The following CACNA1C variants were observed in gnomAD, a reference collection of about 807,000 sequenced individuals.
CACNA1C encodes calcium voltage-gated channel subunit alpha1 C.
Under a neutral mutation model 229.0 loss-of-function variants are expected in CACNA1C, and 30 were observed. The ratio of observed to expected loss-of-function variants is 0.13; its 90% CI spans 0.10 to 0.18. The LOEUF (loss-of-function observed/expected upper bound fraction) is 0.18. Among genes scored for constraint, CACNA1C ranks in the 10% least tolerant of loss-of-function variants. The pLI is 1.00. For missense variants in CACNA1C, 1,658 were observed against 2,845.0 expected, an observed-to-expected ratio of 0.58 and a Z score of 9.49; for synonymous variants, 1,114 against 1,132.5, an observed-to-expected ratio of 0.98 and a Z score of 0.33.
At chr12:2,032,575 A>G (rs900609800) in intron 1 of CACNA1C, among the ~76,000 whole-genome samples, 2 of 152,208 alleles carry the variant, frequency 1.3e-5, no homozygotes, top group Non-Finnish European at 2.9e-5. Flanking sequence ...TCGGATGTGA[A>G]TTAAACCAAT....
chr12:2,666,880 T>C lies in CACNA1C; in HGVS notation c.4623+98T>C, dbSNP rs1486532519. The C allele has an allele frequency of 3.9e-6, 3 of 761,950 alleles. No homozygotes were observed. The highest frequency in any genetic ancestry group is 4.0e-5 in the Admixed American group (2 of 49,562). The allele number at this position is 761,950 out of a possible 1,614,324, so 47.2% of individuals were successfully genotyped here. On this transcript the variant is annotated intron_variant, in intron 37 of 46. Coordinates refer to ENST00000399655, the MANE Select transcript of CACNA1C (RefSeq NM_000719.7). The surrounding 1 kb of genome is among the most constrained non-coding windows in gnomAD (Gnocchi z 5.3). Reference sequence around the variant, plus strand: ...TTAAGGGAATGAACATACTAGTTTATGTGCCTAAAGATTACATTTTAAGGG... The same window carrying C: ...TTAAGGGAATGAACATACTAGTTTACGTGCCTAAAGATTACATTTTAAGGG...
chr12:2,493,626 T>C lies in CACNA1C; in HGVS notation c.1113+240T>C, dbSNP rs187396779. 6.6e-6 allele frequency among the ~76,000 whole-genome samples: 1 copy of C among 152,286 alleles called. No individual in the cohort carries two copies. The highest frequency in any genetic ancestry group is 1.5e-5 in the Non-Finnish European group (1 of 68,014). On this transcript the variant is annotated intron_variant, in intron 7 of 46. Coordinates refer to ENST00000399655, the MANE Select transcript of CACNA1C (RefSeq NM_000719.7). The surrounding 1 kb of genome is among the most constrained non-coding windows in gnomAD (Gnocchi z 4.6). ...CCTTAGGGGAAGGTCATTTTTCCAG[T>C]GCGTCCCACAGTGCAAAACCCTGGT...
chr12:2,136,154 C>A (rs1050388728), intron 3 of CACNA1C, among the ~76,000 whole-genome samples: 1 of 151,414 alleles, frequency 6.6e-6, no homozygotes, highest in Non-Finnish European at 1.5e-5. Flanking sequence ...AATGCCTCGC[C>A]CTGCTTTGGC....
chr12:2,467,126 C>T lies in CACNA1C; in HGVS notation c.757+9420C>T, dbSNP rs1037993256. Reference sequence around the variant, plus strand: ...ACAGCGCTGGAGGCTGCCTGGTCCCCCTGCCCGCCCATCGGAGATGGTCCC... The same window carrying T: ...ACAGCGCTGGAGGCTGCCTGGTCCCTCTGCCCGCCCATCGGAGATGGTCCC... On this transcript the variant is annotated intron_variant, in intron 5 of 46. Coordinates refer to ENST00000399655, the MANE Select transcript of CACNA1C (RefSeq NM_000719.7). This position sits in a 1 kb window ranked among gnomAD's most constrained non-coding sequence, Gnocchi z 4.6. 1.3e-5 allele frequency among the ~76,000 whole-genome samples: 2 copies of T among 152,150 alleles called. No homozygotes were observed.
intron 3 of CACNA1C, among the ~76,000 whole-genome samples, chr12:2,177,797 A>T (rs6489351): frequency 2.6e-5 from 4 of 151,640 alleles, no homozygotes; most frequent in South Asian, 2.1e-4. Flanking sequence ...CCACCACACC[A>T]GCCTAATTTT....
chr12:2,632,459 T>G lies in CACNA1C; in HGVS notation c.3829-1838T>G, dbSNP rs369317795. 1.3e-5 allele frequency among the ~76,000 whole-genome samples: 2 copies of G among 152,180 alleles called. No homozygotes were observed. Among genetic ancestry groups the G allele is most frequent in the African/African-American group, 4.8e-5 (2 of 41,448 alleles). On this transcript the variant is annotated intron_variant, in intron 29 of 46. Transcript: ENST00000399655. This position sits in a 1 kb window ranked among gnomAD's most constrained non-coding sequence, Gnocchi z 4.1. ...AAAGAGTCCACTCATCCAGGACACC[T>G]GGGGTCCTATAGGGCCTCTGGGACA...
chr12:2,247,203 C>A (rs1030566572), intron 3 of CACNA1C, among the ~76,000 whole-genome samples: 6 of 152,136 alleles, frequency 3.9e-5, no homozygotes, highest in Non-Finnish European at 5.9e-5. Flanking sequence ...GCGGGGATGG[C>A]CTGTTATAAC....
intron 3 of CACNA1C, chr12:2,222,107 C>G (rs2061615062): frequency 6.6e-6 from 1 of 152,162 alleles, no homozygotes; most frequent in Admixed American, 6.5e-5. Context: ...ATTTCATTCT[C>G]TATTTATGAT....
rs2096043112 is a variant in CACNA1C at position 2,665,525 on chromosome 12, G to A, written c.4399-56G>A. On this transcript the variant is annotated intron_variant, in intron 35 of 46. Transcript: ENST00000399655. The surrounding 1 kb of genome is among the most constrained non-coding windows in gnomAD (Gnocchi z 5.9). ...GGCCCCAGCTGGCAAGGGGGTTCCAGAGGCAGGTGTGTAGGAAGGTCTTCT... is the reference window on the plus strand; with the variant it reads ...GGCCCCAGCTGGCAAGGGGGTTCCAAAGGCAGGTGTGTAGGAAGGTCTTCT... The A allele has an allele frequency of 3.7e-6, 6 of 1,600,328 alleles. No individual in the cohort carries two copies. The highest frequency in any genetic ancestry group is 5.1e-6 in the Non-Finnish European group (6 of 1,171,848).
At chr12:1,975,814 T>C (rs1010025413) in intron 1 of CACNA1C, among the ~76,000 whole-genome samples, 1 of 152,174 alleles carries the variant, frequency 6.6e-6, no homozygotes, top group Non-Finnish European at 1.5e-5. Context: ...GCATGTCAGA[T>C]TGTTAAGTTA....
chr12:2,466,628 A>T (rs1356371527), intron 5 of CACNA1C, among the ~76,000 whole-genome samples: 1 of 152,166 alleles, frequency 6.6e-6, no homozygotes, highest in Non-Finnish European at 1.5e-5. Context: ...GTGATTTAAC[A>T]CTGAAGTACC....
intron 1 of CACNA1C, among the ~76,000 whole-genome samples, chr12:2,068,139 G>C (rs940565111): frequency 1.3e-5 from 2 of 152,134 alleles, no homozygotes; most frequent in African/African-American, 4.8e-5. Context: ...AGAAAAATAT[G>C]ATATCCTGAA....
intron 46 of CACNA1C, 37 bp from the exon 47 acceptor site, chr12:2,690,863 C>T (rs1299536264): frequency 6.6e-7 from 1 of 1,505,372 alleles, no homozygotes. Flanking sequence ...GAGTAATGTT[C>T]CTTTGGTTCT....
chr12:2,573,864 A>G (rs1015376508), intron 13 of CACNA1C, among the ~76,000 whole-genome samples: 1 of 152,230 alleles, frequency 6.6e-6, no homozygotes, highest in African/African-American at 2.4e-5. Context: ...ATCCGGGTGG[A>G]CTTACAACTC....
intron 3 of CACNA1C, among the ~76,000 whole-genome samples, chr12:2,204,045 CCT>C (rs1468279278): frequency 6.6e-6 from 1 of 152,156 alleles, no homozygotes; most frequent in Non-Finnish European, 1.5e-5. Flanking sequence ...ACATTTAAAA[CCT>C]CTTAGATTAC....
chr12:2,656,169 A>T (rs1409096657), intron 34 of CACNA1C, among the ~76,000 whole-genome samples: 1 of 152,248 alleles, frequency 6.6e-6, no homozygotes, highest in East Asian at 1.9e-4. Flanking sequence ...GTTTGCTGAT[A>T]ACATGATCTT....
chr12:2,655,994 A>G (rs1359883597), intron 34 of CACNA1C, among the ~76,000 whole-genome samples: 1 of 152,228 alleles, frequency 6.6e-6, no homozygotes, highest in Non-Finnish European at 1.5e-5. Flanking sequence ...CATCATACTT[A>G]GTGGTGAAAA....
chr12:2,355,797 C>T (rs776689128), intron 3 of CACNA1C, among the ~76,000 whole-genome samples: 24 of 152,126 alleles, frequency 1.6e-4, no homozygotes, highest in Non-Finnish European at 3.2e-4. Context: ...GGGTAGAGGC[C>T]GGGGATGCTG....
intron 5 of CACNA1C, among the ~76,000 whole-genome samples, chr12:2,468,242 G>A (rs2099570623): frequency 6.6e-6 from 1 of 152,252 alleles, no homozygotes; most frequent in Admixed American, 6.5e-5. Flanking sequence ...AAGAATGCCT[G>A]CAGTCACACA....
Sources: gnomAD v4.1 joint callset for allele counts (sites outside exome capture counted in the v4.1 genomes callset) on GRCh38, gnomAD v4.1.1 for gene constraint, Gnocchi (gnomAD v3.1) non-coding constraint, MANE v1.5 for transcripts, NCBI Gene and HGNC (gene_info 2026-07-23, HGNC 2026-07-21) for gene names.